Variants in AGBL1 observed in about 807,000 individuals in gnomAD.
AGBL1 encodes AGBL carboxypeptidase 1.
AGBL1 carries 130 observed loss-of-function variants against 118.9 expected under a neutral mutation model. The observed-to-expected ratio is 1.09, with a 90% CI of 0.95 to 1.26. The LOEUF is 1.26. Ranked by LOEUF, AGBL1 falls within the 50% of genes most tolerant of loss-of-function variation. The pLI is 0.00. For missense variants in AGBL1, 1,584 were observed against 1,298.1 expected (o/e 1.22, Z -3.38); for synonymous variants, 555 against 478.9 (o/e 1.16, Z -2.08).
chr15:86,671,329 C>T (rs984672336), intron 21 of AGBL1, among the ~76,000 whole-genome samples: 16 of 152,124 alleles, frequency 1.1e-4, no homozygotes, highest in African/African-American at 3.9e-4. Context: ...TATTACATTG[C>T]TGAAATAATG....
At chr15:86,570,888 G>A (rs1298232082) in intron 21 of AGBL1, among the ~76,000 whole-genome samples, 1 of 152,156 alleles carries the variant, frequency 6.6e-6, no homozygotes, top group African/African-American at 2.4e-5. Context: ...TCATGCTACT[G>A]GCCTGGATCC....
intron 23 of AGBL1, among the ~76,000 whole-genome samples, chr15:86,947,413 T>C (rs980580372): frequency 6.6e-6 from 1 of 152,182 alleles, no homozygotes; most frequent in Middle Eastern, 3.2e-3. Flanking sequence ...TAGGTAGATT[T>C]TATGTCAGAT....
At chr15:86,225,748 A>C (rs2078351433) in intron 6 of AGBL1, among the ~76,000 whole-genome samples, 1 of 152,080 alleles carries the variant, frequency 6.6e-6, no homozygotes, top group Non-Finnish European at 1.5e-5. Flanking sequence ...CAATTGTGAT[A>C]TTTGTTTCTC....
chr15:86,254,985 G>A (rs1480844217), intron 7 of AGBL1, among the ~76,000 whole-genome samples: 2 of 152,044 alleles, frequency 1.3e-5, no homozygotes, highest in African/African-American at 2.4e-5. Flanking sequence ...TCAGTTCGTG[G>A]TATGGCCCAA....
chr15:86,372,898 A>C (rs574732403), intron 17 of AGBL1, among the ~76,000 whole-genome samples: 1 of 152,020 alleles, frequency 6.6e-6, no homozygotes, highest in East Asian at 1.9e-4. Flanking sequence ...AGACCAGGGA[A>C]TCCAGCTGTT....
At chr15:86,917,394 T>C (rs1282082050), downstream of AGBL1, among the ~76,000 whole-genome samples, 1 of 152,174 alleles carries the variant, frequency 6.6e-6, no homozygotes, top group Non-Finnish European at 1.5e-5. This position sits in a 1 kb window ranked among gnomAD's most constrained non-coding sequence, Gnocchi z 4.8. Context: ...CACTCAGGAT[T>C]TCAATCAAAA....
At position 86,766,869 on chromosome 15, in the gene AGBL1, AC is replaced by A. The variant is rs1567163993; in HGVS notation, c.3158+92437del. Among the ~76,000 whole-genome samples the A allele has an allele frequency of 2.5e-4, 35 of 141,670 alleles. 1 individual carries two copies. Among genetic ancestry groups the A allele is most frequent in the African/African-American group, 8.3e-4 (31 of 37,346 alleles). 92.9% of individuals were successfully genotyped at this position (141,670 alleles called of 152,430 possible). On this transcript the variant is annotated intron_variant, in intron 22 of 22. Coordinates refer to ENST00000614907, the MANE Select transcript of AGBL1 (RefSeq NM_001386094.1). Reference sequence around the variant, plus strand: ...AAATAATCTACACACACACACACACACCCCTCTGCTCTGAGAATTAACAAGA... The same window carrying A: ...AAATAATCTACACACACACACACACACCCTCTGCTCTGAGAATTAACAAGA...
chr15:86,977,454 T>C (rs1444605845), intron 23 of AGBL1, among the ~76,000 whole-genome samples: 6 of 151,828 alleles, frequency 4.0e-5, no homozygotes, highest in Non-Finnish European at 8.9e-5. Flanking sequence ...TCAAATATCA[T>C]TGGATAGTCA....
chr15:86,450,405 G>A (rs1169071961), intron 18 of AGBL1, among the ~76,000 whole-genome samples: 2 of 152,124 alleles, frequency 1.3e-5, no homozygotes, highest in African/African-American at 2.4e-5. Flanking sequence ...TACAGTCAGC[G>A]GTAAAATCAT....
chr15:86,699,997 A>T (rs1261129101), intron 22 of AGBL1, among the ~76,000 whole-genome samples: 2 of 151,942 alleles, frequency 1.3e-5, no homozygotes, highest in African/African-American at 2.4e-5. Flanking sequence ...TATTTCCTCT[A>T]CATTTGTTAG....
intron 17 of AGBL1, among the ~76,000 whole-genome samples, chr15:86,373,656 A>G (rs879699081): frequency 6.6e-6 from 1 of 152,144 alleles, no homozygotes; most frequent in Non-Finnish European, 1.5e-5. Flanking sequence ...TGTGGGGATA[A>G]CAAGGTCAAG....
chr15:86,521,422 A>T (rs942174511), intron 18 of AGBL1, among the ~76,000 whole-genome samples: 1 of 152,196 alleles, frequency 6.6e-6, no homozygotes, highest in African/African-American at 2.4e-5. Flanking sequence ...CCAAGAGACT[A>T]TCACTGTCCC....
chr15:86,110,747 T>C (rs1472398796), intron 1 of AGBL1, among the ~76,000 whole-genome samples: 1 of 152,224 alleles, frequency 6.6e-6, no homozygotes, highest in African/African-American at 2.4e-5. Context: ...AGGGGATGTG[T>C]AATGTTCCTG....
In AGBL1 at chr15:86,744,989, A is replaced by T. The variant is rs77899001; in HGVS notation, c.3158+70553A>T. On this transcript the variant is annotated intron_variant, in intron 22 of 22. Coordinates refer to ENST00000614907, the MANE Select transcript of AGBL1 (RefSeq NM_001386094.1). ...AGTACCTATTAGGGATAGGGCTAAA[A>T]GCGGGGCCAGGAAGAGTTTGGGACC... 3.4e-3 allele frequency among the ~76,000 whole-genome samples: 511 copies of T among 152,256 alleles called. 1 individual carries two copies. Among genetic ancestry groups the T allele is most frequent in the Non-Finnish European group, 5.9e-3 (403 of 68,004 alleles).
chr15:86,410,828 A>AAAATATACTATTT (rs2081599456), intron 18 of AGBL1, among the ~76,000 whole-genome samples: 3 of 94,346 alleles, frequency 3.2e-5, no homozygotes, highest in African/African-American at 4.2e-5. Context: ...ATATATATAT[A>AAAATATACTATTT]TATATATATA....
At chr15:86,088,886 G>T (rs2141457159) in intron 1 of AGBL1, among the ~76,000 whole-genome samples, 1 of 152,188 alleles carries the variant, frequency 6.6e-6, no homozygotes, top group Middle Eastern at 3.4e-3. Context: ...TCTAATATTT[G>T]TTTTTGTGCT....
intron 6 of AGBL1, among the ~76,000 whole-genome samples, chr15:86,242,844 C>A (rs962855696): frequency 1.3e-5 from 2 of 152,206 alleles, no homozygotes; most frequent in South Asian, 2.1e-4. Flanking sequence ...GGACACCAAC[C>A]ACTTTTCCCC....
chr15:86,120,984 C>T (rs1250575787), intron 1 of AGBL1, among the ~76,000 whole-genome samples: 1 of 151,896 alleles, frequency 6.6e-6, no homozygotes, highest in African/African-American at 2.4e-5. Flanking sequence ...GCAACCTCTG[C>T]CTCCTAGGTT....
chr15:86,453,107 G>A (rs1270998106), intron 18 of AGBL1, among the ~76,000 whole-genome samples: 2 of 152,164 alleles, frequency 1.3e-5, no homozygotes, highest in South Asian at 2.1e-4. Context: ...AGTTCCATGA[G>A]GGTAGGGACT....
Sources: gnomAD v4.1 joint callset for allele counts (sites outside exome capture counted in the v4.1 genomes callset) on GRCh38, gnomAD v4.1.1 for gene constraint, Gnocchi (gnomAD v3.1) non-coding constraint, MANE v1.5 for transcripts, NCBI Gene and HGNC (gene_info 2026-07-23, HGNC 2026-07-21) for gene names.